The following GRIP1 variants were observed in gnomAD, a reference collection of about 807,000 sequenced individuals.
The protein encoded by GRIP1 is glutamate receptor-interacting protein 1.
GRIP1 carries 45 observed loss-of-function variants against 129.9 expected under a neutral mutation model. The ratio of observed to expected loss-of-function variants is 0.35; its 90% CI spans 0.27 to 0.44. The LOEUF is 0.44. Among genes scored for constraint, GRIP1 ranks in the 20% least tolerant of loss-of-function variants. The pLI is 1.00. For missense variants in GRIP1, 1,196 were observed against 1,396.8 expected (o/e 0.86, Z 2.29); for synonymous variants, 530 against 520.8 (o/e 1.02, Z -0.24).
intron 1 of GRIP1, among the ~76,000 whole-genome samples, chr12:66,869,225 G>C (rs1405852242): frequency 6.6e-6 from 1 of 151,876 alleles, no homozygotes; most frequent in Non-Finnish European, 1.5e-5. Context: ...TTCTTGAATT[G>C]AATCAACTCC....
chr12:66,803,723 A>C (rs1038236062), intron 1 of GRIP1, among the ~76,000 whole-genome samples: 9 of 152,232 alleles, frequency 5.9e-5, no homozygotes, highest in African/African-American at 1.9e-4. Context: ...TGAAAGAAAA[A>C]GGAAAGCAAC....
intron 1 of GRIP1, among the ~76,000 whole-genome samples, chr12:66,700,224 G>T (rs970691119): frequency 3.9e-5 from 6 of 152,156 alleles, no homozygotes; most frequent in Non-Finnish European, 8.8e-5. Context: ...AAGCATCAGT[G>T]AAGGAATGGA....
intron 1 of GRIP1, among the ~76,000 whole-genome samples, chr12:66,696,416 T>C (rs779558784): frequency 1.8e-4 from 27 of 152,236 alleles, no homozygotes; most frequent in Non-Finnish European, 3.1e-4. Flanking sequence ...TTATTCCTGA[T>C]AGTCATAAAG....
intron 1 of GRIP1, among the ~76,000 whole-genome samples, chr12:66,871,830 G>A (rs754778883): frequency 6.6e-6 from 1 of 152,058 alleles, no homozygotes; most frequent in Non-Finnish European, 1.5e-5. Context: ...GTTGTGCTGG[G>A]GCAAGTGGTT....
chr12:66,988,689 T>C (rs2042351109), intron 1 of GRIP1, among the ~76,000 whole-genome samples: 2 of 152,194 alleles, frequency 1.3e-5, no homozygotes. Context: ...GAACCTGTAT[T>C]TTTAAATAAT....
At chr12:66,444,314 G>A (rs1216146188) in intron 13 of GRIP1, among the ~76,000 whole-genome samples, 5 of 150,600 alleles carry the variant, frequency 3.3e-5, no homozygotes, top group South Asian at 2.1e-4. Context: ...GTGAAACCCC[G>A]TCTCTACTAA....
chr12:66,515,580 C>A lies in GRIP1; in HGVS notation c.724+39G>T, dbSNP rs369158774. On this transcript the variant is annotated intron_variant, in intron 7 of 24. Transcript: ENST00000359742. ...TTTATCAGGGACAGACAGTGACGTT[C>A]TGGTGCTTAGAGATCACACCCTCAG... is the stretch of plus-strand genomic sequence containing the variant. The A allele has an allele frequency of 1.9e-6, 3 of 1,581,236 alleles. No homozygotes were observed. In the African/African-American group the frequency reaches 4.1e-5, roughly 21 times the overall value.
At chr12:66,641,039 G>C (rs2031877769) in intron 1 of GRIP1, among the ~76,000 whole-genome samples, 1 of 152,174 alleles carries the variant, frequency 6.6e-6, no homozygotes, top group Non-Finnish European at 1.5e-5. Context: ...TGCTAGAGGA[G>C]GCTGAGTATT....
chr12:66,880,625 T>C (rs988943626), intron 1 of GRIP1, among the ~76,000 whole-genome samples: 2 of 152,112 alleles, frequency 1.3e-5, no homozygotes, highest in Non-Finnish European at 2.9e-5. Context: ...ACTACATTGT[T>C]TCCAACTTAT....
At chr12:66,960,329 A>C (rs1237537888) in intron 1 of GRIP1, among the ~76,000 whole-genome samples, 1 of 152,108 alleles carries the variant, frequency 6.6e-6, no homozygotes, top group Non-Finnish European at 1.5e-5. Context: ...AAGGGAAGAG[A>C]TCTGGGGTAG....
chr12:66,906,565 T>C (rs765233768), intron 1 of GRIP1, among the ~76,000 whole-genome samples: 1 of 152,190 alleles, frequency 6.6e-6, no homozygotes, highest in African/African-American at 2.4e-5. Flanking sequence ...TACAGCATCA[T>C]TGCCACAGAA....
chr12:66,551,742 TTTGTTG>T (rs561356842), intron 2 of GRIP1, among the ~76,000 whole-genome samples: 1 of 151,414 alleles, frequency 6.6e-6, no homozygotes, highest in African/African-American at 2.4e-5. Context: ...TTAAAACAAT[TTTGTTG>T]TTGTTGTTGT....
Position 66,377,422 on chromosome 12 carries a change from G to T in GRIP1, c.2622-137C>A, listed in dbSNP as rs942973884. On this transcript the variant is annotated intron_variant, in intron 20 of 24. Coordinates refer to ENST00000359742, the MANE Select transcript of GRIP1 (RefSeq NM_001366722.1). ...GGCTCACTGCAAGCTCCGCCTCCCG[G>T]GTTCACACCATTCTCCTGCCTCAGC... 35 of 692,756 alleles carry T rather than the reference G, an allele frequency of 5.1e-5. No homozygotes were observed. In the Admixed American group the frequency reaches 7.3e-4, roughly 14 times the overall value. The allele number at this position is 692,756 out of a possible 1,614,324, so 42.9% of individuals were successfully genotyped here. A position where few individuals can be genotyped will look rare whatever the true frequency, so the allele number is the denominator to read the frequency against.
rs943768423 is a variant in GRIP1, at chr12:67,051,494, T to A, written c.58+17556A>T. 2.6e-5 allele frequency among the ~76,000 whole-genome samples: 4 copies of A among 152,204 alleles called. No individual in the cohort carries two copies. In the East Asian group the frequency reaches 7.7e-4, roughly 29 times the overall value. ...TAATCCTACTGTGACTGAGACTGAG[T>A]ATCAAATGGAAGAAGCCATCAGCGA... On this transcript the variant is annotated intron_variant, in intron 1 of 1. Transcript: ENST00000643019.
At chr12:66,581,062 C>T (rs1312032679) in intron 2 of GRIP1, among the ~76,000 whole-genome samples, 1 of 152,168 alleles carries the variant, frequency 6.6e-6, no homozygotes, top group East Asian at 1.9e-4. Context: ...AACTGTCAGA[C>T]CACAGTGCAA....
chr12:66,714,537 A>G (rs1001439887), intron 1 of GRIP1, among the ~76,000 whole-genome samples: 1 of 152,054 alleles, frequency 6.6e-6, no homozygotes, highest in Non-Finnish European at 1.5e-5. Flanking sequence ...TAATTATACT[A>G]AATAGCCTCT....
intron 1 of GRIP1, among the ~76,000 whole-genome samples, chr12:66,678,294 G>T (rs556565176): frequency 6.6e-6 from 1 of 152,202 alleles, no homozygotes; most frequent in African/African-American, 2.4e-5. Context: ...TAAACTTCTA[G>T]TATTACATAG....
chr12:66,624,015 A>C (rs186304199), intron 1 of GRIP1, among the ~76,000 whole-genome samples: 231 of 152,236 alleles, frequency 1.5e-3, no homozygotes, highest in African/African-American at 5.3e-3. Flanking sequence ...TAATTAATTC[A>C]TTCATTTGTT....
chr12:66,492,546 A>G (rs759389766), intron 7 of GRIP1, among the ~76,000 whole-genome samples: 1 of 152,216 alleles, frequency 6.6e-6, no homozygotes, highest in Non-Finnish European at 1.5e-5. Context: ...GTGTAGAAGT[A>G]ATAAGCACAC....
Sources: gnomAD v4.1 joint callset for allele counts (sites outside exome capture counted in the v4.1 genomes callset) on GRCh38, gnomAD v4.1.1 for gene constraint, MANE v1.5 for transcripts, NCBI Gene and HGNC (gene_info 2026-07-23, HGNC 2026-07-21) for gene names.